SEMA3D: variants seen among roughly 807,000 people sequenced by gnomAD.
The protein encoded by SEMA3D is semaphorin 3D.
Under a neutral mutation model 100.1 loss-of-function variants are expected in SEMA3D, and 84 were observed. The observed-to-expected ratio is 0.84, with a 90% confidence interval of 0.70 to 1.01. SEMA3D has a LOEUF of 1.01. Among genes scored for constraint, SEMA3D ranks in the 50% least tolerant of loss-of-function variants. The pLI is 0.00. For missense variants in SEMA3D, 875 were observed against 934.1 expected (o/e 0.94, Z 0.82); for synonymous variants, 312 against 320.7 (o/e 0.97, Z 0.29).
At position 85,015,204 on chromosome 7, in the gene SEMA3D, T is replaced by C. The variant is rs1790064624; in HGVS notation, c.1558A>G (p.Ile520Val). The C allele has an allele frequency of 6.2e-7, 1 of 1,606,988 alleles. No homozygotes were observed. The highest frequency in any genetic ancestry group is 1.3e-5 in the African/African-American group (1 of 74,766). ...ELSLKQQQLY[I>V]GSRDGLVQLS... is the part of the protein sequence containing the mutation. ...TGAACCAATCCATCTCGGGAACCAA[T>C]GTACAATTGTTGCTGCAAATCGGGC... is the stretch of plus-strand genomic sequence containing the variant. Residue 520 changes from isoleucine to valine, a missense_variant, in exon 16 of 19, where the codon ATT becomes GTT. Coordinates refer to ENST00000284136, the MANE Select transcript of SEMA3D (RefSeq NM_001384900.1).
At chr7:85,076,772 A>G (rs1042490443) in intron 5 of SEMA3D, among the ~76,000 whole-genome samples, 1 of 152,196 alleles carries the variant, frequency 6.6e-6, no homozygotes, top group Non-Finnish European at 1.5e-5. Flanking sequence ...GACAGGATCC[A>G]GGATGCAGAG....
At chr7:85,152,945 A>T (rs916333364) in intron 2 of SEMA3D, among the ~76,000 whole-genome samples, 1 of 152,180 alleles carries the variant, frequency 6.6e-6, no homozygotes, top group African/African-American at 2.4e-5. Flanking sequence ...AGCAATCACA[A>T]GAAAGCTATG....
chr7:85,174,425 T>C (rs1017266595), intron 1 of SEMA3D, among the ~76,000 whole-genome samples: 1 of 152,052 alleles, frequency 6.6e-6, no homozygotes, highest in Non-Finnish European at 1.5e-5. Context: ...AGGAGTGACA[T>C]AAGCTTTGTG....
the SEMA3D span, among the ~76,000 whole-genome samples, chr7:85,206,763 G>A: frequency 6.6e-6 from 1 of 152,148 alleles, no homozygotes; most frequent in Middle Eastern, 3.4e-3. Flanking sequence ...TGGGCCTGGA[G>A]AGGAGGAGGA....
At position 85,133,754 on chromosome 7, in the gene SEMA3D, T is replaced by C. The variant is rs140042047; in HGVS notation, c.-40-11823A>G. On this transcript the variant is annotated intron_variant, in intron 2 of 18. Coordinates refer to ENST00000284136, the MANE Select transcript of SEMA3D (RefSeq NM_001384900.1). ...AATTTCTTTAAGTCCAGTTTCTGCA[T>C]CTACGAAATAGGATTATCAGTTCTT... Among the ~76,000 whole-genome samples the C allele has an allele frequency of 4.3e-3, 652 of 152,096 alleles. 5 individuals carry two copies. Among genetic ancestry groups the C allele is most frequent in the African/African-American group, 0.015 (639 of 41,568 alleles).
intron 9 of SEMA3D, among the ~76,000 whole-genome samples, chr7:85,045,535 T>C (rs1030262809): frequency 1.2e-4 from 18 of 151,954 alleles, no homozygotes; most frequent in Admixed American, 9.9e-4. Flanking sequence ...AGAAATAAAG[T>C]ATATTTCAGC....
rs1025641408 is a variant in SEMA3D at position 85,089,304 on chromosome 7, C to T, written c.313-7725G>A. On this transcript the variant is annotated intron_variant, in intron 4 of 18. Coordinates refer to ENST00000284136, the MANE Select transcript of SEMA3D (RefSeq NM_001384900.1). ...AGAGCTTGTTCTACCTAAAATACAT[C>T]TGACCTCTTCTAGATGATCCCTTCT... Among the ~76,000 whole-genome samples, 30 of 152,136 alleles carry T rather than the reference C, an allele frequency of 2.0e-4. 1 individual carries two copies. The highest frequency in any genetic ancestry group is 8.5e-4 in the Admixed American group (13 of 15,280).
chr7:85,020,238 A>G lies in SEMA3D; in HGVS notation c.1498T>C (p.Phe500Leu), dbSNP rs757649819. ...EEVVLEELQI[F>L]KHSSIILNME... The stretch of plus-strand genomic sequence containing the variant: ...CACTCTGGACTGAGTCTTACCTTGA[A>G]TATCTGCAACTCCTCCAGCACTACC... Residue 500 changes from phenylalanine (F) to leucine (L), a missense_variant, in exon 14 of 19, where the codon TTC becomes CTC. Phe to Leu is a conservative substitution (Grantham distance 22). Coordinates refer to ENST00000284136, the MANE Select transcript of SEMA3D (RefSeq NM_001384900.1). 32 of 1,605,810 alleles carry G rather than the reference A, an allele frequency of 2.0e-5. 1 individual carries two copies. The South Asian group carries it at 3.2e-4, about 16-fold the overall frequency.
At chr7:85,098,821 C>T (rs76708751) in intron 3 of SEMA3D, among the ~76,000 whole-genome samples, 2,539 of 151,890 alleles carry the variant, frequency 0.017, 68 homozygotes, top group African/African-American at 0.058. Flanking sequence ...TGTCTGTGCT[C>T]CACCTATTCA....
intron 3 of SEMA3D, among the ~76,000 whole-genome samples, chr7:85,116,576 T>C (rs576190839): frequency 6.6e-6 from 1 of 151,686 alleles, no homozygotes; most frequent in Non-Finnish European, 1.5e-5. Flanking sequence ...AGCTTGCCTA[T>C]TCCTCTTATT....
intron 2 of SEMA3D, among the ~76,000 whole-genome samples, chr7:85,133,663 T>C (rs1789786429): frequency 6.6e-6 from 1 of 152,026 alleles, no homozygotes; most frequent in African/African-American, 2.4e-5. Context: ...TCTCTGGCTA[T>C]AAGATGGTTT....
Position 85,179,662 on chromosome 7 carries a change from C to CT in SEMA3D, c.-173+7015dup, listed in dbSNP as rs145786339. Among the ~76,000 whole-genome samples the CT allele has an allele frequency of 7.0e-3, 966 of 137,676 alleles. 14 individuals carry two copies. The highest frequency in any genetic ancestry group is 0.022 in the African/African-American group (785 of 35,646). 90.3% of individuals were successfully genotyped at this position (137,676 alleles called of 152,430 possible). A position where few individuals can be genotyped will look rare whatever the true frequency, so the allele number is the denominator to read the frequency against. ...TCTCAGATGAGACTATGGACTTGAA[C>CT]TTTTTTTTTTTTTTTTTGAGACGGA... On this transcript the variant is annotated intron_variant, in intron 1 of 18. Transcript: ENST00000284136.
chr7:85,160,475 G>A (rs1283592634), intron 1 of SEMA3D, among the ~76,000 whole-genome samples: 1 of 152,128 alleles, frequency 6.6e-6, no homozygotes, highest in Non-Finnish European at 1.5e-5. Context: ...AGATTTCCAC[G>A]ATGGAAAAAG....
the SEMA3D span, among the ~76,000 whole-genome samples, chr7:85,214,745 C>T: frequency 3.3e-5 from 5 of 152,266 alleles, no homozygotes; most frequent in South Asian, 8.3e-4. Flanking sequence ...ATCCACCTTC[C>T]TCGGCCTCCC....
chr7:85,174,829 G>A (rs766290709), intron 1 of SEMA3D, among the ~76,000 whole-genome samples: 33 of 152,178 alleles, frequency 2.2e-4, no homozygotes, highest in South Asian at 4.2e-4. Flanking sequence ...AGGGAAAATC[G>A]TAGCCAGAGC....
chr7:85,124,732 G>A (rs1789518607), intron 2 of SEMA3D, among the ~76,000 whole-genome samples: 1 of 152,038 alleles, frequency 6.6e-6, no homozygotes, highest in South Asian at 2.1e-4. Flanking sequence ...TGATAGACTT[G>A]GTTATATGGC....
At chr7:85,129,914 C>T (rs1789675246) in intron 2 of SEMA3D, among the ~76,000 whole-genome samples, 1 of 152,002 alleles carries the variant, frequency 6.6e-6, no homozygotes, top group Non-Finnish European at 1.5e-5. Context: ...TCTCCAGGAA[C>T]ACATGTACTG....
intron 2 of SEMA3D, among the ~76,000 whole-genome samples, chr7:85,122,680 T>C (rs1789462897): frequency 6.6e-6 from 1 of 152,168 alleles, no homozygotes; most frequent in South Asian, 2.1e-4. Context: ...ATCTAAAAAT[T>C]ACACTTAAAT....
At chr7:85,218,610 TA>T in the SEMA3D span, among the ~76,000 whole-genome samples, 1 of 152,128 alleles carries the variant, frequency 6.6e-6, no homozygotes, top group Non-Finnish European at 1.5e-5. Flanking sequence ...GTGTTTGCAT[TA>T]TGTAGTAGTA....
Sources: gnomAD v4.1 joint callset for allele counts (sites outside exome capture counted in the v4.1 genomes callset) on GRCh38, gnomAD v4.1.1 for gene constraint, MANE v1.5 for transcripts, NCBI Gene and HGNC (gene_info 2026-07-23, HGNC 2026-07-21) for gene names.